PYY: variants seen among roughly 807,000 people sequenced by gnomAD.
PYY encodes the protein peptide tyrosine tyrosine.
Under a neutral mutation model 10.3 loss-of-function variants are expected in PYY, and 12 were observed. The observed-to-expected ratio is 1.17, with a 90% CI of 0.75 to 1.89. The LOEUF (loss-of-function observed/expected upper bound fraction) is 1.89, where lower values mean the gene tolerates loss of function less well. PYY is among the 40% of genes most tolerant of loss of function. PYY has a pLI of 0.00. For missense variants in PYY, 141 were observed against 134.0 expected (o/e 1.05, Z -0.26); for synonymous variants, 66 against 62.0 (o/e 1.06, Z -0.30).
chr17:43,957,421 G>A (rs573698599), upstream of PYY, among the ~76,000 whole-genome samples: 16 of 152,104 alleles, frequency 1.1e-4, no homozygotes, highest in South Asian at 2.5e-3. Context: ...ACTTTGGGAG[G>A]CCAAGGCAGG....
chr17:43,974,332 G>C (rs1369124034), intron 1 of PYY, among the ~76,000 whole-genome samples: 2 of 151,804 alleles, frequency 1.3e-5, no homozygotes, highest in South Asian at 4.2e-4. Flanking sequence ...TACTAGTAGA[G>C]GGTGGGGTGG....
intron 1 of PYY, among the ~76,000 whole-genome samples, chr17:43,973,623 C>T (rs9899479): frequency 6.6e-6 from 1 of 151,954 alleles, no homozygotes; most frequent in Admixed American, 6.6e-5. Context: ...GGTGAAACCC[C>T]GTCTCTACTA....
intron 2 of PYY, 38 bp downstream of exon 2, chr17:43,953,258 T>A (rs1037726335): frequency 3.7e-6 from 6 of 1,607,340 alleles, no homozygotes; most frequent in Non-Finnish European, 5.1e-6. Context: ...GGCCGCAGGG[T>A]GAGAGCCCCA....
At chr17:43,978,821 G>T (rs1188593516) in intron 1 of PYY, among the ~76,000 whole-genome samples, 1 of 152,168 alleles carries the variant, frequency 6.6e-6, no homozygotes, top group Admixed American at 6.5e-5. Context: ...GGCTGGGTTG[G>T]GGCCCCTCCC....
chr17:43,994,244 T>G (rs911210110), intron 1 of PYY, among the ~76,000 whole-genome samples: 1 of 152,102 alleles, frequency 6.6e-6, no homozygotes, highest in Non-Finnish European at 1.5e-5. Flanking sequence ...CCCCTCTCTC[T>G]GCCTGGGAAC....
rs528675864 is a variant in PYY, at chr17:43,996,296, G to T, written c.-463+8095C>A. ...AGAGAGAGAGAGAGATGCTTGTCCA[G>T]CCCCCAGCTGGACCCAGGCCCCACC... On this transcript the variant is annotated intron_variant, in intron 1 of 6. Transcript: ENST00000360085. 3.9e-5 allele frequency among the ~76,000 whole-genome samples: 6 copies of T among 152,162 alleles called. No individual in the cohort carries two copies. The East Asian group carries it at 1.2e-3, about 29-fold the overall frequency.
At chr17:43,959,354 T>G (rs971384500) in intron 2 of PYY, among the ~76,000 whole-genome samples, 1 of 152,228 alleles carries the variant, frequency 6.6e-6, no homozygotes, top group African/African-American at 2.4e-5. Context: ...GTATTTCTAT[T>G]TAATGGCTTA....
At chr17:43,965,789 C>CAAAAAAAAAAAA (rs67609128) in intron 2 of PYY, among the ~76,000 whole-genome samples, 18 of 31,932 alleles carry the variant, frequency 5.6e-4, no homozygotes, top group Admixed American at 9.7e-4. Context: ...ATCCATCTCA[C>CAAAAAAAAAAAA]AAAAAAAAAA....
At chr17:43,971,094 A>G (rs2048789423) in intron 1 of PYY, among the ~76,000 whole-genome samples, 1 of 152,132 alleles carries the variant, frequency 6.6e-6, no homozygotes, top group Admixed American at 6.5e-5. Flanking sequence ...GTCATATGTA[A>G]TTGTGTGCTT....
chr17:43,964,053 T>TTTC (rs1188393247), intron 2 of PYY, among the ~76,000 whole-genome samples: 2 of 5,084 alleles, frequency 3.9e-4, no homozygotes, highest in Non-Finnish European at 5.3e-4. Context: ...TCTTTCTTTC[T>TTTC]TTTTTTTGGG....
chr17:43,985,930 C>A (rs1259059981), intron 1 of PYY, among the ~76,000 whole-genome samples: 5 of 152,228 alleles, frequency 3.3e-5, no homozygotes, highest in African/African-American at 1.2e-4. Flanking sequence ...TATGTCTATA[C>A]ACAGGAAGAA....
intron 1 of PYY, among the ~76,000 whole-genome samples, chr17:43,990,884 C>T (rs1238353927): frequency 6.7e-6 from 1 of 150,212 alleles, no homozygotes; most frequent in African/African-American, 2.4e-5. Flanking sequence ...AGCTTCGCCT[C>T]CCGGGTTCAC....
At chr17:43,964,143 C>T (rs567563960) in intron 2 of PYY, among the ~76,000 whole-genome samples, 44 of 152,300 alleles carry the variant, frequency 2.9e-4, no homozygotes, top group Non-Finnish European at 8.8e-5. Flanking sequence ...GCAGCTGGGA[C>T]TACAGGTGCA....
At chr17:43,993,875 A>G (rs2048973538) in intron 1 of PYY, among the ~76,000 whole-genome samples, 2 of 150,850 alleles carry the variant, frequency 1.3e-5, no homozygotes, top group African/African-American at 4.9e-5. Flanking sequence ...TTATTTTGAG[A>G]CAGGGTCCTG....
At chr17:43,953,060 G>A in intron 3 of PYY, 49 bp downstream of exon 3, 7 of 1,607,646 alleles carry the variant, frequency 4.4e-6, no homozygotes, top group Non-Finnish European at 6.0e-6. Flanking sequence ...CCAGGGTAGG[G>A]CCAGGCCGCG....
chr17:43,966,982 C>T (rs2048759380), intron 1 of PYY, among the ~76,000 whole-genome samples: 1 of 152,130 alleles, frequency 6.6e-6, no homozygotes, highest in Non-Finnish European at 1.5e-5. Flanking sequence ...TATTCCTATC[C>T]CACCACAGTC....
intron 2 of PYY, among the ~76,000 whole-genome samples, chr17:43,964,040 T>TTTTC (rs1172270252): frequency 1.5e-5 from 1 of 68,352 alleles, no homozygotes; most frequent in Non-Finnish European, 2.6e-5. Context: ...TTACCATCAT[T>TTTTC]TTTCTTTCTT....
chr17:44,001,743 T>C (rs990959060), intron 1 of PYY, among the ~76,000 whole-genome samples: 2 of 99,926 alleles, frequency 2.0e-5, no homozygotes, highest in African/African-American at 7.7e-5. Flanking sequence ...AGGGACTGAA[T>C]TGGGTGGATC....
At chr17:43,974,348 C>T (rs2048815203) in intron 1 of PYY, among the ~76,000 whole-genome samples, 1 of 151,760 alleles carries the variant, frequency 6.6e-6, no homozygotes, top group Non-Finnish European at 1.5e-5. Flanking sequence ...GGTGGAAGGG[C>T]AGGCAGTGGG....
Sources: gnomAD v4.1 joint callset for allele counts (sites outside exome capture counted in the v4.1 genomes callset) on GRCh38, gnomAD v4.1.1 for gene constraint, MANE v1.5 for transcripts, NCBI Gene and HGNC (gene_info 2026-07-23, HGNC 2026-07-21) for gene names.